The following MS4A4A variants were observed in gnomAD, a reference collection of about 807,000 sequenced individuals.
MS4A4A encodes the protein membrane spanning 4-domains A4A, also known as membrane-spanning 4-domains subfamily A member 4A.
MS4A4A carries 26 observed loss-of-function variants against 28.0 expected under a neutral mutation model. The observed-to-expected ratio is 0.93, with a 90% confidence interval of 0.68 to 1.29. The LOEUF is 1.29. Among genes scored for constraint, MS4A4A ranks in the 50% most tolerant of loss-of-function variants. The probability of loss-of-function intolerance (pLI) is 0.00; values close to 1 mark genes in which losing one functional copy is unlikely to be tolerated. For synonymous variants in MS4A4A, 86 were observed against 100.8 expected (o/e 0.85, Z 0.88); for missense variants, 290 against 293.1 (o/e 0.99, Z 0.08).
intron 1 of MS4A4A, among the ~76,000 whole-genome samples, chr11:60,281,517 T>C: frequency 6.6e-6 from 1 of 152,166 alleles, no homozygotes; most frequent in East Asian, 1.9e-4. Flanking sequence ...TTCCCCCTTT[T>C]CCCTTCCCAT....
At chr11:60,296,555 C>G (rs1002212383) in intron 2 of MS4A4A, among the ~76,000 whole-genome samples, 1 of 152,130 alleles carries the variant, frequency 6.6e-6, no homozygotes, top group Non-Finnish European at 1.5e-5. Context: ...TTAAGGTAGA[C>G]TCTCAGGAGA....
At chr11:60,297,440 A>G (rs1590757747) in intron 3 of MS4A4A, 115 bp downstream of exon 3, 2 of 1,192,896 alleles carry the variant, frequency 1.7e-6, no homozygotes, top group East Asian at 5.0e-5. Flanking sequence ...TGAGAGTGGT[A>G]TCTAACCATT....
intron 2 of MS4A4A, among the ~76,000 whole-genome samples, chr11:60,295,946 T>C (rs2084901932): frequency 6.6e-6 from 1 of 152,086 alleles, no homozygotes; most frequent in Non-Finnish European, 1.5e-5. Flanking sequence ...GGTCTGTAGT[T>C]TTCTTTTCTT....
At chr11:60,280,800 G>A (rs1209422240) in intron 1 of MS4A4A, 84 bp downstream of exon 1, 1 of 1,534,854 alleles carries the variant, frequency 6.5e-7, no homozygotes, top group Non-Finnish European at 9.0e-7. Flanking sequence ...GGAGGGGAAT[G>A]AGAAGAATAA....
At chr11:60,293,716 C>T (rs1296497932) in intron 2 of MS4A4A, among the ~76,000 whole-genome samples, 1 of 152,132 alleles carries the variant, frequency 6.6e-6, no homozygotes, top group East Asian at 1.9e-4. Context: ...TGGAATTGTA[C>T]AATAGGTGTT....
At chr11:60,298,087 A>C (rs922921435) in intron 3 of MS4A4A, among the ~76,000 whole-genome samples, 2 of 151,248 alleles carry the variant, frequency 1.3e-5, no homozygotes, top group East Asian at 3.9e-4. Flanking sequence ...CATTAAAATT[A>C]GAATTGGAAT....
rs369831427 is a variant in MS4A4A at position 60,300,550 on chromosome 11, A to T, written c.331-451A>T. Among the ~76,000 whole-genome samples, 146 of 141,158 alleles carry T rather than the reference A, an allele frequency of 1.0e-3. 1 individual carries two copies. Among genetic ancestry groups the T allele is most frequent in the Middle Eastern group, 7.5e-3 (2 of 268 alleles). The allele number at this position is 141,158 out of a possible 152,430, so 92.6% of individuals were successfully genotyped here. On this transcript the variant is annotated intron_variant, in intron 3 of 6. Coordinates refer to ENST00000337908, the MANE Select transcript of MS4A4A (RefSeq NM_148975.3). ...AGAATGGCGTGAACCCGGGAGGCGG[A>T]GCTTGCAGTGAGCCGAGATTGCCCC...
Position 60,308,131 on chromosome 11 carries a change from T to C in MS4A4A, c.673T>C (p.Ser225Pro). 1 of 1,613,992 alleles carries C rather than the reference T, an allele frequency of 6.2e-7. No homozygotes were observed. Among genetic ancestry groups the C allele is most frequent in the South Asian group, 1.1e-5 (1 of 91,066 alleles). Reference sequence around the variant, plus strand: ...GGTTGTGTTAATTCTGCCATCACATTCTCACATGGCAGAAACAGCATCTCC... The same window carrying C: ...GGTTGTGTTAATTCTGCCATCACATCCTCACATGGCAGAAACAGCATCTCC... ...GGVVLILPSH[S>P]HMAETASPTP... Residue 225 changes from serine to proline, a missense_variant, in exon 7 of 7, where the codon TCT becomes CCT. Transcript: ENST00000337908.
intron 1 of MS4A4A, among the ~76,000 whole-genome samples, chr11:60,285,753 A>G (rs997669192): frequency 2.0e-5 from 3 of 152,230 alleles, no homozygotes; most frequent in Admixed American, 6.5e-5. Flanking sequence ...TCAAATGGCA[A>G]TAAAAGATCA....
intron 3 of MS4A4A, among the ~76,000 whole-genome samples, chr11:60,298,030 AATT>A (rs1262714907): frequency 2.0e-5 from 3 of 150,534 alleles, no homozygotes; most frequent in Non-Finnish European, 3.0e-5. Flanking sequence ...TAAAATAACT[AATT>A]ATTATAATTA....
At chr11:60,300,189 A>G (rs2084939427) in intron 3 of MS4A4A, among the ~76,000 whole-genome samples, 1 of 152,240 alleles carries the variant, frequency 6.6e-6, no homozygotes, top group Non-Finnish European at 1.5e-5. Context: ...AAAGATAGAG[A>G]GTCTAACCAA....
chr11:60,281,321 T>C (rs1440070131), intron 1 of MS4A4A, among the ~76,000 whole-genome samples: 1 of 152,178 alleles, frequency 6.6e-6, no homozygotes, highest in Non-Finnish European at 1.5e-5. Flanking sequence ...TTGTAGACTT[T>C]TAGCATTCTT....
At chr11:60,283,542 G>A (rs768211217) in intron 1 of MS4A4A, among the ~76,000 whole-genome samples, 8 of 151,850 alleles carry the variant, frequency 5.3e-5, no homozygotes, top group Non-Finnish European at 1.0e-4. Flanking sequence ...GAAGATTTGC[G>A]CCACCTTACT....
chr11:60,304,980 CT>C (rs1369225332), intron 5 of MS4A4A, among the ~76,000 whole-genome samples: 7 of 152,336 alleles, frequency 4.6e-5, no homozygotes, highest in Admixed American at 1.3e-4. Context: ...TTCTCAAGGT[CT>C]CCTTAAGTCT....
At chr11:60,294,161 C>G (rs528794166) in intron 2 of MS4A4A, among the ~76,000 whole-genome samples, 37 of 152,322 alleles carry the variant, frequency 2.4e-4, no homozygotes, top group African/African-American at 6.7e-4. Context: ...CTAACAGGTG[C>G]TAGTGGAATC....
intron 3 of MS4A4A, 147 bp from the exon 4 acceptor site, chr11:60,300,854 G>T: frequency 1.8e-6 from 1 of 563,198 alleles, no homozygotes; most frequent in Non-Finnish European, 3.0e-6. Flanking sequence ...TCTGGGAAAA[G>T]GGAAAATAAT....
intron 2 of MS4A4A, among the ~76,000 whole-genome samples, chr11:60,293,760 G>A (rs193168755): frequency 3.2e-4 from 49 of 152,170 alleles, no homozygotes; most frequent in East Asian, 2.9e-3. Flanking sequence ...CTAAATACAT[G>A]CATTTAAATT....
intron 2 of MS4A4A, among the ~76,000 whole-genome samples, chr11:60,296,135 A>G (rs2084903735): frequency 6.6e-6 from 1 of 151,950 alleles, no homozygotes; most frequent in Non-Finnish European, 1.5e-5. Context: ...AAATTTATTA[A>G]TTATTGATTC....
intron 6 of MS4A4A, 28 bp downstream of exon 6, chr11:60,306,229 A>G: frequency 6.5e-7 from 1 of 1,527,362 alleles, no homozygotes; most frequent in East Asian, 2.2e-5. Context: ...TTTGAAGATG[A>G]CTGTATTAGT....
Sources: allele counts gnomAD v4.1 joint callset (sites outside exome capture counted in the v4.1 genomes callset), GRCh38; gene constraint gnomAD v4.1.1; transcripts MANE v1.5; gene names NCBI Gene and HGNC (gene_info 2026-07-23, HGNC 2026-07-21).